Variants in FHL2 observed in about 807,000 individuals in gnomAD.
The protein encoded by FHL2 is four and a half LIM domains 2, also known as four and a half LIM domains protein 2.
Under a neutral mutation model 32.7 loss-of-function variants are expected in FHL2, and 20 were observed. The observed-to-expected ratio is 0.61, with a 90% CI of 0.43 to 0.89. The LOEUF (loss-of-function observed/expected upper bound fraction) is 0.89. Ranked by LOEUF, FHL2 falls within the 40% of genes least tolerant of loss-of-function variation. FHL2 has a pLI of 0.00. For synonymous variants in FHL2, 123 were observed against 128.1 expected (o/e 0.96, Z 0.27); for missense variants, 311 against 358.6 (o/e 0.87, Z 1.07).
At chr2:105,417,935 C>T (rs561806350) in intron 1 of FHL2, among the ~76,000 whole-genome samples, 3 of 152,102 alleles carry the variant, frequency 2.0e-5, no homozygotes, top group Admixed American at 6.5e-5. Context: ...TTTGTACCAG[C>T]ATAAATGTCA....
At chr2:105,358,762 G>C (rs1355909956), downstream of FHL2, 1 of 152,196 alleles carries the variant, frequency 6.6e-6, no homozygotes, top group Non-Finnish European at 1.5e-5. Flanking sequence ...TATCTGTAAA[G>C]TCCTGTCAGT....
intron 2 of FHL2, among the ~76,000 whole-genome samples, chr2:105,392,764 T>C (rs1682817247): frequency 7.1e-6 from 1 of 139,916 alleles, no homozygotes; most frequent in Non-Finnish European, 1.5e-5. Context: ...AGGAGGAGGG[T>C]AAATGAAATG....
At chr2:105,403,127 A>G (rs181613981), upstream of FHL2, among the ~76,000 whole-genome samples, 1 of 152,362 alleles carries the variant, frequency 6.6e-6, no homozygotes, top group East Asian at 1.9e-4. Context: ...TAGAACTATT[A>G]ACACATTACT....
chr2:105,432,303 A>G (rs770823743), intron 1 of FHL2, among the ~76,000 whole-genome samples: 1 of 152,202 alleles, frequency 6.6e-6, no homozygotes, highest in Admixed American at 6.5e-5. Flanking sequence ...TGTCTCATGC[A>G]CTTTCCACAT....
At chr2:105,376,118 C>T (rs1185212750) in intron 3 of FHL2, 1 of 152,176 alleles carries the variant, frequency 6.6e-6, no homozygotes, top group Admixed American at 6.6e-5. Flanking sequence ...CATCATTACC[C>T]CATCTGTGAG....
chr2:105,379,257 T>C (rs1321425124), intron 3 of FHL2, among the ~76,000 whole-genome samples: 1 of 152,248 alleles, frequency 6.6e-6, no homozygotes, highest in African/African-American at 2.4e-5. Flanking sequence ...GTTGCTGGTA[T>C]GTATTACAAT....
upstream of FHL2, among the ~76,000 whole-genome samples, chr2:105,401,600 G>T (rs932287555): frequency 1.3e-5 from 2 of 152,136 alleles, no homozygotes; most frequent in Non-Finnish European, 2.9e-5. Flanking sequence ...AGTCATTGTA[G>T]AATTGTTTGT....
intron 1 of FHL2, among the ~76,000 whole-genome samples, chr2:105,404,992 T>C (rs1314061413): frequency 1.3e-5 from 2 of 152,132 alleles, no homozygotes; most frequent in African/African-American, 4.8e-5. Context: ...GTGGCTTTGA[T>C]ACCTCTTTAA....
intron 1 of FHL2, among the ~76,000 whole-genome samples, chr2:105,426,282 C>A (rs1265357803): frequency 6.6e-6 from 1 of 152,198 alleles, no homozygotes; most frequent in Admixed American, 6.5e-5. Flanking sequence ...GTCTTAGCCA[C>A]TTCCCATCAC....
intron 5 of FHL2, among the ~76,000 whole-genome samples, chr2:105,365,334 G>A (rs1680552106): frequency 1.3e-5 from 2 of 152,190 alleles, no homozygotes; most frequent in Non-Finnish European, 2.9e-5. Context: ...GTGCCTGAGA[G>A]GGCCAAGTTC....
chr2:105,382,706 C>G (rs1322900723), intron 3 of FHL2, among the ~76,000 whole-genome samples: 1 of 150,958 alleles, frequency 6.6e-6, no homozygotes, highest in Non-Finnish European at 1.5e-5. Context: ...TTTTTTTTCT[C>G]TTTGTAGCAC....
chr2:105,363,433 G>A lies in FHL2; in HGVS notation c.540C>T (p.Pro180=), dbSNP rs1210749693. ...TTGGVTYREQ[P]WHKECFVCTA... is the part of the protein sequence containing the mutation. ...TGCACACGAAGCACTCCTTGTGCCAGGGCTGCTCCCGGTAAGTGACCCCTC... is the reference window on the plus strand; with the variant it reads ...TGCACACGAAGCACTCCTTGTGCCAAGGCTGCTCCCGGTAAGTGACCCCTC... Residue 180 remains proline, a synonymous_variant, in exon 6 of 7, where the codon CCC becomes CCT. Transcript: ENST00000530340. 11 of 1,612,518 alleles carry A rather than the reference G, an allele frequency of 6.8e-6. No homozygotes were observed. The highest frequency in any genetic ancestry group is 1.7e-5 in the Admixed American group (1 of 59,768).
intron 3 of FHL2, among the ~76,000 whole-genome samples, chr2:105,374,955 G>A (rs779061126): frequency 2.6e-5 from 4 of 152,174 alleles, no homozygotes; most frequent in African/African-American, 7.2e-5. Flanking sequence ...GGCTGTTCAC[G>A]CGATGGCCCT....
At chr2:105,399,451 A>G (rs1558719272), upstream of FHL2, 1 of 1,536,186 alleles carries the variant, frequency 6.5e-7, no homozygotes, top group Middle Eastern at 1.7e-4. Context: ...GTCACTTCTC[A>G]GGAGGCATGT....
intron 1 of FHL2, among the ~76,000 whole-genome samples, chr2:105,438,180 G>A (rs992620114): frequency 6.6e-6 from 1 of 152,214 alleles, no homozygotes; most frequent in Non-Finnish European, 1.5e-5. Context: ...GCTCTGGGCA[G>A]GGTGGCTTCT....
chr2:105,415,399 A>T (rs545552676), intron 1 of FHL2, among the ~76,000 whole-genome samples: 1 of 152,204 alleles, frequency 6.6e-6, no homozygotes, highest in South Asian at 2.1e-4. Context: ...GGGAGGGGGA[A>T]AATTACTTTT....
intron 2 of FHL2, among the ~76,000 whole-genome samples, chr2:105,394,387 G>A (rs1682966527): frequency 6.6e-6 from 1 of 151,432 alleles, no homozygotes; most frequent in African/African-American, 2.4e-5. Flanking sequence ...GGACCACAGT[G>A]TAAGACCCGG....
intron 4 of FHL2, among the ~76,000 whole-genome samples, chr2:105,368,628 C>T (rs1680804008): frequency 6.6e-6 from 1 of 152,182 alleles, no homozygotes; most frequent in Non-Finnish European, 1.5e-5. Flanking sequence ...CTCTAGAGAA[C>T]TGAAACACTT....
At chr2:105,398,631 C>T (rs1476172172) in intron 1 of FHL2, among the ~76,000 whole-genome samples, 3 of 152,176 alleles carry the variant, frequency 2.0e-5, no homozygotes. Flanking sequence ...TCGGTGGGCT[C>T]CTCTGAGCTC....
Sources: gnomAD v4.1 joint callset for allele counts (sites outside exome capture counted in the v4.1 genomes callset) on GRCh38, gnomAD v4.1.1 for gene constraint, MANE v1.5 for transcripts, NCBI Gene and HGNC (gene_info 2026-07-23, HGNC 2026-07-21) for gene names.